The following PARP8 variants were observed in gnomAD, a reference collection of about 807,000 sequenced individuals.
The protein encoded by PARP8 is protein mono-ADP-ribosyltransferase PARP8.
A neutral mutation model predicts 124.1 loss-of-function variants in PARP8; 51 were observed. That is an observed-to-expected ratio of 0.41 (90% CI 0.33 to 0.52). The LOEUF is 0.52. PARP8 is among the 20% of genes least tolerant of loss of function. The pLI, the probability that PARP8 is intolerant of heterozygous loss-of-function variation, is 0.21. For missense variants in PARP8, 860 were observed against 1,018.9 expected (o/e 0.84, Z 2.12); for synonymous variants, 391 against 361.5 (o/e 1.08, Z -0.93).
chr5:50,669,253 TTTC>T (rs1040686445), intron 2 of PARP8: 2 of 152,188 alleles, frequency 1.3e-5, no homozygotes, highest in Non-Finnish European at 2.9e-5. Context: ...AATTACAGTA[TTTC>T]TTAATTTACT....
intron 2 of PARP8, among the ~76,000 whole-genome samples, chr5:50,679,791 A>C (rs772455358): frequency 2.6e-5 from 4 of 152,220 alleles, no homozygotes; most frequent in Non-Finnish European, 4.4e-5. Context: ...CATAGTGCTT[A>C]GGAAGTTTCT....
rs200521595 is a variant in PARP8, at chr5:50,709,922, G to GTATATATA, written c.147-40202_147-40195dup. Reference sequence around the variant, plus strand: ...TATGAGAATATGAGGTAGAAAGAGTGTATATATATATATATATATATATAT... The same window carrying GTATATATA: ...TATGAGAATATGAGGTAGAAAGAGTGTATATATATATATATATATATATATATATATAT... On this transcript the variant is annotated intron_variant, in intron 2 of 25. Coordinates refer to ENST00000281631, the MANE Select transcript of PARP8 (RefSeq NM_024615.4). Among the ~76,000 whole-genome samples, 195 of 93,902 alleles carry GTATATATA rather than the reference G, an allele frequency of 2.1e-3. 1 individual carries two copies. Among genetic ancestry groups the GTATATATA allele is most frequent in the African/African-American group, 7.3e-3 (182 of 24,832 alleles). 61.6% of individuals were successfully genotyped at this position (93,902 alleles called of 152,430 possible).
intron 2 of PARP8, among the ~76,000 whole-genome samples, chr5:50,736,153 C>T (rs1757455530): frequency 6.6e-6 from 1 of 152,064 alleles, no homozygotes; most frequent in South Asian, 2.1e-4. Context: ...CCCCCACCCA[C>T]CGAAAGCATA....
intron 2 of PARP8, among the ~76,000 whole-genome samples, chr5:50,739,727 T>TAA: frequency 9.9e-6 from 1 of 100,798 alleles, no homozygotes; most frequent in East Asian, 3.2e-4. Context: ...TATATATATA[T>TAA]ATATATTTTT....
intron 25 of PARP8, among the ~76,000 whole-genome samples, chr5:50,840,005 G>A (rs1336975767): frequency 1.3e-5 from 2 of 151,754 alleles, no homozygotes; most frequent in South Asian, 2.1e-4. Context: ...TTTTTCTATC[G>A]CTTTTGCAGG....
At chr5:50,779,393 G>A (rs1413184181) in intron 9 of PARP8, among the ~76,000 whole-genome samples, 2 of 152,120 alleles carry the variant, frequency 1.3e-5, no homozygotes, top group African/African-American at 4.8e-5. Context: ...GGTGGGGCTG[G>A]GGCCAAATCA....
At chr5:50,736,839 A>G (rs1757520536) in intron 2 of PARP8, among the ~76,000 whole-genome samples, 1 of 152,102 alleles carries the variant, frequency 6.6e-6, no homozygotes, top group Non-Finnish European at 1.5e-5. Context: ...AACCAACCAA[A>G]CAAAAAACCT....
chr5:50,812,169 C>T (rs1356385084), intron 14 of PARP8, among the ~76,000 whole-genome samples: 1 of 152,222 alleles, frequency 6.6e-6, no homozygotes, highest in African/African-American at 2.4e-5. Context: ...AATCGCCACA[C>T]TGTCTTCCAC....
In PARP8 at chr5:50,670,204, C is replaced by G. The variant is rs375112692; in HGVS notation, c.146+2079C>G. Among the ~76,000 whole-genome samples the G allele has an allele frequency of 7.2e-4, 109 of 152,262 alleles. 1 individual carries two copies. The South Asian group carries it at 0.022, about 31-fold the overall frequency. On this transcript the variant is annotated intron_variant, in intron 2 of 25. Coordinates refer to ENST00000281631, the MANE Select transcript of PARP8 (RefSeq NM_024615.4). ...CTGTGTTTTGATTTAATGTGCTTAT[C>G]AACTTGTAATATTGAATTAATAGTA... is the stretch of plus-strand genomic sequence containing the variant.
At chr5:50,667,550 TG>T in intron 1 of PARP8, 1 of 697,008 alleles carries the variant, frequency 1.4e-6, no homozygotes, top group East Asian at 2.7e-5. Context: ...GTTTGCGCAA[TG>T]GGCTGAGCGG....
chr5:50,810,390 G>A (rs1015373082), intron 14 of PARP8, among the ~76,000 whole-genome samples: 4 of 151,984 alleles, frequency 2.6e-5, no homozygotes, highest in African/African-American at 4.8e-5. Flanking sequence ...ATAAAACATG[G>A]CAATACACTT....
chr5:50,795,528 A>G (rs888021267), intron 12 of PARP8, 111 bp downstream of exon 12: 36 of 879,708 alleles, frequency 4.1e-5, no homozygotes, highest in African/African-American at 6.9e-5. Flanking sequence ...GTTTTAATTT[A>G]CTGTTTTTTT....
At chr5:50,777,125 G>T (rs1024824207) in intron 7 of PARP8, among the ~76,000 whole-genome samples, 1 of 152,170 alleles carries the variant, frequency 6.6e-6, no homozygotes, top group Admixed American at 6.5e-5. Context: ...TCAAGTCTCA[G>T]CTCTGCTATA....
At chr5:50,811,137 A>G (rs1744389158) in intron 14 of PARP8, among the ~76,000 whole-genome samples, 1 of 152,048 alleles carries the variant, frequency 6.6e-6, no homozygotes, top group Non-Finnish European at 1.5e-5. Flanking sequence ...TTACTTTTAA[A>G]CCAAAAACAT....
At chr5:50,810,755 A>G (rs1744346976) in intron 14 of PARP8, among the ~76,000 whole-genome samples, 1 of 152,210 alleles carries the variant, frequency 6.6e-6, no homozygotes, top group East Asian at 1.9e-4. Context: ...CAAACACCTC[A>G]AAACTAAAGT....
At chr5:50,835,071 G>T in intron 25 of PARP8, 56 bp downstream of exon 25, 1 of 1,457,550 alleles carries the variant, frequency 6.9e-7, no homozygotes, top group East Asian at 2.3e-5. Flanking sequence ...ATGGGTTAGT[G>T]GTGACTGAAT....
chr5:50,703,072 G>A (rs896590465), intron 2 of PARP8, among the ~76,000 whole-genome samples: 27 of 152,020 alleles, frequency 1.8e-4, no homozygotes, highest in African/African-American at 6.3e-4. Flanking sequence ...AGGCTGAGGC[G>A]GCAGCATCAC....
intron 16 of PARP8, among the ~76,000 whole-genome samples, 166 bp downstream of exon 16, chr5:50,821,504 C>T (rs777409689): frequency 6.6e-6 from 1 of 152,176 alleles, no homozygotes; most frequent in Non-Finnish European, 1.5e-5. Flanking sequence ...TTCCGACTTA[C>T]ATAACCTCAT....
intron 14 of PARP8, among the ~76,000 whole-genome samples, chr5:50,806,300 G>A (rs1433778234): frequency 6.6e-6 from 1 of 151,968 alleles, no homozygotes; most frequent in African/African-American, 2.4e-5. Flanking sequence ...TTGACTTGTG[G>A]ACTTGAATTG....
Sources: allele counts gnomAD v4.1 joint callset (sites outside exome capture counted in the v4.1 genomes callset), GRCh38; gene constraint gnomAD v4.1.1; transcripts MANE v1.5; gene names NCBI Gene and HGNC (gene_info 2026-07-23, HGNC 2026-07-21).